Variants in BLK observed in about 807,000 individuals in gnomAD.
BLK encodes the protein BLK proto-oncogene, Src family tyrosine kinase, also known as tyrosine-protein kinase Blk.
BLK carries 64 observed loss-of-function variants against 61.8 expected under a neutral mutation model. The observed-to-expected ratio is 1.03, with a 90% CI of 0.85 to 1.27. The LOEUF (loss-of-function observed/expected upper bound fraction) is 1.27. Ranked by LOEUF, BLK falls within the 50% of genes most tolerant of loss-of-function variation. The pLI is 0.00. For synonymous variants in BLK, 351 were observed against 272.0 expected, an observed-to-expected ratio of 1.29 and a Z score of -2.86; for missense variants, 853 against 660.5, an observed-to-expected ratio of 1.29 and a Z score of -3.19.
chr8:11,504,396 G>T (rs904933817), intron 1 of BLK, among the ~76,000 whole-genome samples: 2 of 120,688 alleles, frequency 1.7e-5, no homozygotes, highest in African/African-American at 3.0e-5. Context: ...GAAAAGAAAA[G>T]AAAAGAAAAG....
At chr8:11,514,119 T>C (rs761016341) in intron 1 of BLK, among the ~76,000 whole-genome samples, 1 of 152,110 alleles carries the variant, frequency 6.6e-6, no homozygotes, top group Non-Finnish European at 1.5e-5. Flanking sequence ...TCCCAGGAAA[T>C]GAGTGGAGGA....
intron 1 of BLK, among the ~76,000 whole-genome samples, chr8:11,508,042 TA>T (rs1430820308): frequency 1.3e-5 from 2 of 152,078 alleles, no homozygotes; most frequent in African/African-American, 4.8e-5. Flanking sequence ...TTCTCAAACC[TA>T]AAGTCATGTG....
At chr8:11,531,157 T>C (rs193223231) in intron 1 of BLK, among the ~76,000 whole-genome samples, 1 of 152,238 alleles carries the variant, frequency 6.6e-6, no homozygotes, top group Non-Finnish European at 1.5e-5. Flanking sequence ...TTCAACTGTT[T>C]GTTAAATTGA....
At chr8:11,548,789 C>T (rs1585397624) in intron 4 of BLK, among the ~76,000 whole-genome samples, 1 of 152,250 alleles carries the variant, frequency 6.6e-6, no homozygotes, top group Non-Finnish European at 1.5e-5. Flanking sequence ...TGGCTGGATC[C>T]TTGTGCCCTC....
intron 1 of BLK, among the ~76,000 whole-genome samples, chr8:11,528,030 C>G (rs1412817284): frequency 6.6e-6 from 1 of 152,020 alleles, no homozygotes; most frequent in Non-Finnish European, 1.5e-5. Flanking sequence ...TGGGGAGGGA[C>G]TATTATCATC....
chr8:11,550,092 A>T, intron 5 of BLK, 67 bp from the exon 6 acceptor site: 1 of 1,379,262 alleles, frequency 7.3e-7, no homozygotes, highest in Non-Finnish European at 1.0e-6. Flanking sequence ...TGCAGGAGGG[A>T]GGCTGTGTGG....
Position 11,520,898 on chromosome 8 carries a change from C to T in BLK, c.-1-22326C>T, listed in dbSNP as rs73663156. 1.5e-3 allele frequency among the ~76,000 whole-genome samples: 226 copies of T among 151,728 alleles called. 1 individual carries two copies. The highest frequency in any genetic ancestry group is 5.3e-3 in the African/African-American group (218 of 41,360). Reference sequence around the variant, plus strand: ...CAATAACATTAGCAATGCCAATTCTCCAAAAATTGTATATAAATTTAAATT... The same window carrying T: ...CAATAACATTAGCAATGCCAATTCTTCAAAAATTGTATATAAATTTAAATT... On this transcript the variant is annotated intron_variant, in intron 1 of 12. Transcript: ENST00000259089.
At chr8:11,516,450 T>C (rs1017992123) in intron 1 of BLK, among the ~76,000 whole-genome samples, 3 of 152,174 alleles carry the variant, frequency 2.0e-5, no homozygotes, top group Non-Finnish European at 4.4e-5. Context: ...TCCCAGAGGA[T>C]CTTTCTGACC....
intron 1 of BLK, among the ~76,000 whole-genome samples, chr8:11,515,560 G>T (rs927890679): frequency 1.3e-5 from 2 of 152,120 alleles, no homozygotes; most frequent in African/African-American, 4.8e-5. Flanking sequence ...CTTTGCTGCA[G>T]CCCTCATCTG....
chr8:11,521,594 A>G (rs1799450516), intron 1 of BLK, among the ~76,000 whole-genome samples: 1 of 152,158 alleles, frequency 6.6e-6, no homozygotes, highest in Admixed American at 6.5e-5. Context: ...CCTGGACCAT[A>G]TTTATGTCTT....
chr8:11,535,183 G>A (rs559589093), intron 1 of BLK, among the ~76,000 whole-genome samples: 1 of 132,142 alleles, frequency 7.6e-6, no homozygotes, highest in East Asian at 2.1e-4. Flanking sequence ...ATGAATGAAA[G>A]AAAGAAAGAA....
At chr8:11,558,361 G>T (rs1272198882) in intron 10 of BLK, 2 of 395,976 alleles carry the variant, frequency 5.1e-6, no homozygotes, top group East Asian at 1.2e-4. Flanking sequence ...CACAGAGTTA[G>T]CAAGAGTTCC....
intron 1 of BLK, among the ~76,000 whole-genome samples, chr8:11,529,927 C>A (rs918699535): frequency 7.2e-5 from 11 of 152,152 alleles, no homozygotes; most frequent in African/African-American, 2.4e-4. Flanking sequence ...CCCCAAAAAT[C>A]AACCAAATAT....
intron 1 of BLK, among the ~76,000 whole-genome samples, chr8:11,531,841 C>G (rs1186507750): frequency 6.6e-6 from 1 of 152,122 alleles, no homozygotes; most frequent in Non-Finnish European, 1.5e-5. Context: ...ACTATTCATC[C>G]CATCTAGAGT....
chr8:11,534,066 A>AT (rs889764069), intron 1 of BLK, among the ~76,000 whole-genome samples: 2 of 152,192 alleles, frequency 1.3e-5, no homozygotes, highest in Admixed American at 6.5e-5. Context: ...CACTGGGGGC[A>AT]TTTTTTAAAA....
chr8:11,515,011 C>A (rs985895980), intron 1 of BLK, among the ~76,000 whole-genome samples: 2 of 152,164 alleles, frequency 1.3e-5, no homozygotes, highest in Non-Finnish European at 2.9e-5. Flanking sequence ...GAGTCCTCCC[C>A]TCCACATTCC....
intron 1 of BLK, among the ~76,000 whole-genome samples, chr8:11,513,355 G>T (rs1799097184): frequency 6.6e-6 from 1 of 152,206 alleles, no homozygotes; most frequent in African/African-American, 2.4e-5. Context: ...TGGAGACTGA[G>T]AGGGAGTGGA....
intron 1 of BLK, among the ~76,000 whole-genome samples, chr8:11,506,428 C>T (rs1015029878): frequency 3.3e-5 from 5 of 152,110 alleles, no homozygotes; most frequent in African/African-American, 1.2e-4. Flanking sequence ...GGTGGAAGGG[C>T]AGGTTAGGCT....
rs540372043 is a variant in BLK at position 11,513,121 on chromosome 8, C to T, written c.-2+18530C>T. ...TTCTTGTTTTATCCTCCTACGAGAT[C>T]CCTACTGTCCATGCCCACGGCCTAG... On this transcript the variant is annotated intron_variant, in intron 1 of 12. Coordinates refer to ENST00000259089, the MANE Select transcript of BLK (RefSeq NM_001715.3). Among the ~76,000 whole-genome samples, 3 of 152,288 alleles carry T rather than the reference C, an allele frequency of 2.0e-5. No individual in the cohort carries two copies. In the East Asian group the frequency reaches 5.8e-4, roughly 29 times the overall value.
Sources: allele counts gnomAD v4.1 joint callset (sites outside exome capture counted in the v4.1 genomes callset), GRCh38; gene constraint gnomAD v4.1.1; transcripts MANE v1.5; gene names NCBI Gene and HGNC (gene_info 2026-07-23, HGNC 2026-07-21).